SPAG11A: variants seen among roughly 807,000 people sequenced by gnomAD.
SPAG11A encodes the protein sperm-associated antigen 11A.
SPAG11A carries 2 observed loss-of-function variants against 5.5 expected under a neutral mutation model. The observed-to-expected ratio is 0.37, with a 90% CI of 0.15 to 1.15. The LOEUF (loss-of-function observed/expected upper bound fraction) is 1.15. Among genes scored for constraint, SPAG11A ranks in the 50% most tolerant of loss-of-function variants. The pLI, the probability that SPAG11A is intolerant of heterozygous loss-of-function variation, is 0.38. For synonymous variants in SPAG11A, 11 were observed against 42.7 expected (o/e 0.26, Z 2.90); for missense variants, 24 against 122.5 (o/e 0.20, Z 3.80).
downstream of SPAG11A, chr8:7,863,713 A>G (rs1438314714): frequency 1.0e-5 from 12 of 1,200,182 alleles, no homozygotes; most frequent in Non-Finnish European, 1.4e-5. Flanking sequence ...TGCTCCGTGG[A>G]CTGGCTCCCC....
intron 2 of SPAG11A, among the ~76,000 whole-genome samples, chr8:7,852,022 C>G (rs1272616979): frequency 1.6e-5 from 2 of 123,176 alleles, no homozygotes; most frequent in East Asian, 2.1e-4. Flanking sequence ...GGGAGTGTGT[C>G]TCAGCTCTTC....
chr8:7,860,685 T>C (rs1167818335), exon 3 of SPAG11A: 3 of 1,521,222 alleles, frequency 2.0e-6, no homozygotes, highest in African/African-American at 1.4e-5. Context: ...ATCTGCCGTA[T>C]GCAGCAAGGG....
downstream of SPAG11A, chr8:7,863,796 C>A: frequency 1.8e-6 from 1 of 566,084 alleles, no homozygotes; most frequent in Admixed American, 3.2e-5. Flanking sequence ...ATGTCCACCC[C>A]ATCCTGCCCT....
intron 2 of SPAG11A, among the ~76,000 whole-genome samples, chr8:7,860,087 C>A (rs1272138572): frequency 6.7e-6 from 1 of 150,040 alleles, no homozygotes. Context: ...GCAGATCTGA[C>A]ATAAGTAAGA....
intron 2 of SPAG11A, among the ~76,000 whole-genome samples, chr8:7,857,443 CTTTTT>C (rs746499721): frequency 2.2e-5 from 1 of 44,686 alleles, no homozygotes. Context: ...TTCTTTCTTT[CTTTTT>C]TTTTTTTTTT....
At chr8:7,862,143 G>A (rs1818238010), downstream of SPAG11A, among the ~76,000 whole-genome samples, 1 of 107,538 alleles carries the variant, frequency 9.3e-6, no homozygotes, top group African/African-American at 2.9e-5. Context: ...TGGCAGACAC[G>A]TTCTCAGCCA....
At chr8:7,857,469 A>T (rs1248603522) in intron 2 of SPAG11A, among the ~76,000 whole-genome samples, 13 of 50,612 alleles carry the variant, frequency 2.6e-4, no homozygotes, top group African/African-American at 5.3e-4. Flanking sequence ...TTTTTGAGAG[A>T]TTTCAGAGAT....
chr8:7,863,777 G>A, downstream of SPAG11A: 3 of 587,000 alleles, frequency 5.1e-6, no homozygotes, highest in Non-Finnish European at 9.3e-6. Flanking sequence ...ACAAATAAAA[G>A]TAGTGATTAT....
chr8:7,852,543 G>A (rs1186073606), intron 2 of SPAG11A, among the ~76,000 whole-genome samples: 1 of 151,938 alleles, frequency 6.6e-6, no homozygotes, highest in Non-Finnish European at 1.5e-5. Context: ...ATGTTGATCA[G>A]GCTGGTCTCA....
At chr8:7,860,329 C>A (rs780442042) in intron 2 of SPAG11A, 5 of 1,425,196 alleles carry the variant, frequency 3.5e-6, no homozygotes, top group Non-Finnish European at 4.8e-6. Flanking sequence ...TTCCAAAACT[C>A]CCTTTGTTTC....
At chr8:7,860,332 T>G (rs1818162542) in intron 2 of SPAG11A, 1 of 1,426,788 alleles carries the variant, frequency 7.0e-7, no homozygotes. Flanking sequence ...CAAAACTCCC[T>G]TTGTTTCCTT....
chr8:7,852,839 A>ATGAGTTTCTCTT (rs1554584403), intron 2 of SPAG11A, among the ~76,000 whole-genome samples: 472 of 64,940 alleles, frequency 7.3e-3, no homozygotes, highest in African/African-American at 0.018. Flanking sequence ...TTATTTTTAT[A>ATGAGTTTCTCTT]TCTGTAGAGC....
At chr8:7,858,702 T>A (rs1818110947) in intron 2 of SPAG11A, among the ~76,000 whole-genome samples, 1 of 40,698 alleles carries the variant, frequency 2.5e-5, no homozygotes, top group Non-Finnish European at 6.8e-5. Flanking sequence ...TAATACACTA[T>A]TTGGTTGCAT....
At position 7,860,574 on chromosome 8, in the gene SPAG11A, G is replaced by C. The variant is rs888215558; in HGVS notation, c.215-72G>C. 4.2e-5 allele frequency: 58 copies of C among 1,384,820 alleles called. 10 individuals are homozygous for C. Among genetic ancestry groups the C allele is most frequent in the Admixed American group, 1.4e-4 (7 of 50,352 alleles). 85.8% of individuals were successfully genotyped at this position (1,384,820 alleles called of 1,614,324 possible). A position where few individuals can be genotyped will look rare whatever the true frequency, so the allele number is the denominator to read the frequency against. ...TTGTCAGAATATATAACCCTTGGCA[G>C]TGGGCTGGGTTCATCTTCTATTCTC... On this transcript the variant is annotated intron_variant, in intron 2 of 2. Coordinates refer to ENST00000642566, the Ensembl canonical transcript of SPAG11A.
At chr8:7,852,376 C>T (rs1399240512) in intron 2 of SPAG11A, among the ~76,000 whole-genome samples, 7 of 152,174 alleles carry the variant, frequency 4.6e-5, no homozygotes, top group South Asian at 2.1e-4. Context: ...TGCAATGGTG[C>T]GATTTTGGCT....
chr8:7,859,930 G>A (rs1293404781), intron 2 of SPAG11A, among the ~76,000 whole-genome samples: 1 of 146,048 alleles, frequency 6.8e-6, no homozygotes, highest in Non-Finnish European at 1.5e-5. Context: ...TGACAGGGCT[G>A]AGATGATACA....
At chr8:7,849,403 C>CCAGAA (rs1817908537) in intron 2 of SPAG11A, among the ~76,000 whole-genome samples, 4 of 140,642 alleles carry the variant, frequency 2.8e-5, no homozygotes, top group Non-Finnish European at 3.1e-5. Flanking sequence ...GGCCAGGCTT[C>CCAGAA]TGGTCAGCCC....
Position 7,860,677 on chromosome 8 carries a change from C to A in SPAG11A, c.246C>A (p.Ile82=), listed in dbSNP as rs761505927. 29 of 1,521,756 alleles carry A rather than the reference C, an allele frequency of 1.9e-5. 1 individual carries two copies. Among genetic ancestry groups the A allele is most frequent in the Non-Finnish European group, 2.6e-5 (29 of 1,132,294 alleles). 94.3% of individuals were successfully genotyped at this position (1,521,756 alleles called of 1,614,324 possible). ...TTCCACTGGGAATTAGAAATACCAT[C>A]TGCCGTATGCAGCAAGGGATCTGCA... The change falls in exon 3 of 3, where the codon ATC becomes ATA. Residue 82 remains isoleucine (I), a synonymous_variant. Coordinates refer to ENST00000642566, the Ensembl canonical transcript of SPAG11A.
chr8:7,857,898 C>G (rs1818086805), intron 2 of SPAG11A, among the ~76,000 whole-genome samples: 1 of 91,712 alleles, frequency 1.1e-5, no homozygotes, highest in African/African-American at 3.0e-5. Flanking sequence ...CTAGGTAAGA[C>G]TCATGGTGAG....
Sources: gnomAD v4.1 joint callset for allele counts (sites outside exome capture counted in the v4.1 genomes callset) on GRCh38, gnomAD v4.1.1 for gene constraint, MANE v1.5 for transcripts, NCBI Gene and HGNC (gene_info 2026-07-23, HGNC 2026-07-21) for gene names.